NID2: variants seen among roughly 807,000 people sequenced by gnomAD.
NID2 encodes the protein nidogen 2, also known as nidogen-2.
A neutral mutation model predicts 145.4 loss-of-function variants in NID2; 83 were observed. The observed-to-expected ratio is 0.57, with a 90% CI of 0.48 to 0.69. The LOEUF is 0.69. Among genes scored for constraint, NID2 ranks in the 30% least tolerant of loss-of-function variants. The pLI is 0.00. For missense variants in NID2, 1,807 were observed against 1,765.7 expected (o/e 1.02, Z -0.42); for synonymous variants, 739 against 701.3 (o/e 1.05, Z -0.85).
intron 16 of NID2, 156 bp from the exon 17 acceptor site, chr14:52,011,839 G>T (rs897420873): frequency 1.2e-6 from 1 of 842,242 alleles, no homozygotes; most frequent in Non-Finnish European, 1.9e-6. Flanking sequence ...GCACTCGGGT[G>T]AAATCTAGGC....
chr14:52,032,227 G>A (rs116431374), intron 9 of NID2, among the ~76,000 whole-genome samples: 1,742 of 152,238 alleles, frequency 0.011, 33 homozygotes, highest in African/African-American at 0.04. Flanking sequence ...ATTGATTCCC[G>A]TATTATTGGC....
intron 17 of NID2, 36 bp downstream of exon 17, chr14:52,011,518 C>CAAATG (rs752627989): frequency 6.2e-7 from 1 of 1,612,262 alleles, no homozygotes; most frequent in Non-Finnish European, 8.5e-7. Context: ...TTTGTAGAAT[C>CAAATG]AAATGAAATG....
At position 52,004,839 on chromosome 14, in the gene NID2, A is replaced by G. The variant is rs904628218; in HGVS notation, c.*647T>C. Reference sequence around the variant, plus strand: ...TTAAAACACTTTATTGGAGTAATCTAGAAAATTTTAAAATTGTTACATCTT... The same window carrying G: ...TTAAAACACTTTATTGGAGTAATCTGGAAAATTTTAAAATTGTTACATCTT... On this transcript the variant is annotated 3_prime_UTR_variant, in exon 22 of 22. Coordinates refer to ENST00000216286, the MANE Select transcript of NID2 (RefSeq NM_007361.4). The G allele has an allele frequency of 5.0e-6, 1 of 198,492 alleles. No individual in the cohort carries two copies. Among genetic ancestry groups the G allele is most frequent in the East Asian group, 1.2e-4 (1 of 8,582 alleles). 12.3% of individuals were successfully genotyped at this position (198,492 alleles called of 1,614,324 possible). A position where few individuals can be genotyped will look rare whatever the true frequency, so the allele number is the denominator to read the frequency against.
chr14:52,044,263 A>G (rs1341060411), intron 5 of NID2, among the ~76,000 whole-genome samples: 2 of 124,576 alleles, frequency 1.6e-5, no homozygotes, highest in Non-Finnish European at 1.6e-5. Context: ...TACATTTAAC[A>G]ACCTTTTTTT....
At chr14:52,033,045 G>C (rs1891925228) in intron 9 of NID2, among the ~76,000 whole-genome samples, 1 of 152,200 alleles carries the variant, frequency 6.6e-6, no homozygotes, top group Admixed American at 6.5e-5. Flanking sequence ...CCCATTCACT[G>C]AACTTGGCTT....
rs149614703 is a variant in NID2, at chr14:52,029,583, C to T, written c.2365G>A (p.Ala789Thr). 9.5e-5 allele frequency: 154 copies of T among 1,613,160 alleles called. No individual in the cohort carries two copies. In the African/African-American group the frequency reaches 1.4e-3, roughly 15 times the overall value. Residue 789 changes from alanine (A) to threonine (T), a missense_variant, in exon 10 of 22, where the codon GCA (alanine) becomes ACA (threonine). Ala to Thr is a moderately conservative substitution (Grantham distance 58). Transcript: ENST00000216286. Reference sequence around the variant, plus strand: ...CGTCCATCTCCCTGGTACCCAGATGCGCACTCACAGGTGTAATCTACACCT... The same window carrying T: ...CGTCCATCTCCCTGGTACCCAGATGTGCACTCACAGGTGTAATCTACACCT... The part of the protein sequence containing the change: ...GTGVDYTCEC[A>T]SGYQGDGRNC...
At chr14:52,008,786 G>A (rs1034790433) in intron 18 of NID2, 1 of 152,130 alleles carries the variant, frequency 6.6e-6, no homozygotes, top group Non-Finnish European at 1.5e-5. Flanking sequence ...TGTGGACCAG[G>A]GATTTGAGAA....
chr14:52,051,819 G>A (rs915703240), intron 5 of NID2, among the ~76,000 whole-genome samples: 1 of 152,078 alleles, frequency 6.6e-6, no homozygotes, highest in Non-Finnish European at 1.5e-5. Context: ...CCATTACCAG[G>A]ATGTCTATAG....
chr14:52,027,727 T>C (rs993954265), intron 11 of NID2, among the ~76,000 whole-genome samples: 1 of 105,688 alleles, frequency 9.5e-6, no homozygotes, highest in Admixed American at 9.2e-5. Context: ...ATTTTCTTTC[T>C]TTTTTTTTTT....
intron 2 of NID2, among the ~76,000 whole-genome samples, chr14:52,063,802 T>C (rs72680326): frequency 0.06 from 9,110 of 152,252 alleles, 301 homozygotes; most frequent in South Asian, 0.12. Context: ...CATCTCCCAC[T>C]GCCTGTAGGA....
intron 9 of NID2, among the ~76,000 whole-genome samples, chr14:52,032,188 G>A (rs923925375): frequency 6.6e-6 from 1 of 152,186 alleles, no homozygotes; most frequent in Non-Finnish European, 1.5e-5. Flanking sequence ...ACACCACAGT[G>A]CATTCTTGTA....
Position 52,053,741 on chromosome 14 carries a change from A to G in NID2, c.1267T>C (p.Tyr423His), listed in dbSNP as rs1360062684. 3.1e-6 allele frequency: 5 copies of G among 1,614,242 alleles called. No individual in the cohort carries two copies. In the Admixed American group the frequency reaches 6.7e-5, roughly 22 times the overall value. ...GAAGGCACTGGCCCTCCATCTGGGT[A>G]GGGCTGGATGCTTCCGTTTTCGGGG... Reference protein sequence around the residue: ...PYPENGSIQPYPDGGPVPSEM... With the variant: ...PYPENGSIQPHPDGGPVPSEM... Residue 423 changes from tyrosine to histidine, a missense_variant, in exon 5 of 22, where the codon TAC becomes CAC. Physicochemically the swap from Tyr to His is moderately conservative, Grantham distance 83. Transcript: ENST00000216286.
chr14:52,027,530 AAAGTTC>A (rs1566752923), intron 11 of NID2, among the ~76,000 whole-genome samples, 186 bp from the exon 12 acceptor site: 1 of 152,054 alleles, frequency 6.6e-6, no homozygotes, highest in Non-Finnish European at 1.5e-5. Flanking sequence ...GTATGCTATT[AAAGTTC>A]AAGTACTGGT....
intron 19 of NID2, chr14:52,007,553 T>C (rs1555361609): frequency 1.1e-5 from 5 of 441,946 alleles, no homozygotes; most frequent in Non-Finnish European, 2.0e-5. Context: ...TTCTTTTAAC[T>C]GTTAAAAATA....
intron 5 of NID2, 46 bp from the exon 6 acceptor site, chr14:52,042,977 AT>A: frequency 6.3e-7 from 1 of 1,591,386 alleles, no homozygotes. Context: ...AATGATTCCA[AT>A]GTCACTGCTG....
At chr14:52,062,457 A>G (rs1157247262) in intron 2 of NID2, among the ~76,000 whole-genome samples, 1 of 152,234 alleles carries the variant, frequency 6.6e-6, no homozygotes, top group Non-Finnish European at 1.5e-5. Context: ...GTTCTGCCTC[A>G]TGTCTATCCA....
intron 14 of NID2, among the ~76,000 whole-genome samples, chr14:52,015,865 G>T (rs1267978105): frequency 3.9e-5 from 6 of 152,274 alleles, no homozygotes; most frequent in Non-Finnish European, 7.4e-5. Context: ...AAAACTACAT[G>T]GAGTAAAGGT....
At position 52,054,722 on chromosome 14, in the gene NID2, A is replaced by C. The variant is rs150812603; in HGVS notation, c.768-401T>G. On this transcript the variant is annotated intron_variant, in intron 3 of 21. Coordinates refer to ENST00000216286, the MANE Select transcript of NID2 (RefSeq NM_007361.4). ...AGACCCTGTCTCAAAAAAACAAAAAACCTGAAAGGCTATTAAGATCAGGTT... is the reference window on the plus strand; with the variant it reads ...AGACCCTGTCTCAAAAAAACAAAAACCCTGAAAGGCTATTAAGATCAGGTT... 4.9e-3 allele frequency among the ~76,000 whole-genome samples: 741 copies of C among 152,234 alleles called. 3 individuals are homozygous for C. The highest frequency in any genetic ancestry group is 0.016 in the African/African-American group (676 of 41,558).
chr14:52,019,878 G>T (rs1481435423), intron 13 of NID2, among the ~76,000 whole-genome samples, 181 bp downstream of exon 13: 2 of 152,194 alleles, frequency 1.3e-5, no homozygotes, highest in African/African-American at 4.8e-5. Flanking sequence ...CTCCAGAAAT[G>T]TTACGAATCA....
Sources: gnomAD v4.1 joint callset for allele counts (sites outside exome capture counted in the v4.1 genomes callset) on GRCh38, gnomAD v4.1.1 for gene constraint, MANE v1.5 for transcripts, NCBI Gene and HGNC (gene_info 2026-07-23, HGNC 2026-07-21) for gene names.